The following DHX40 variants were observed in gnomAD, a reference collection of about 807,000 sequenced individuals.
DHX40 encodes the protein DEAH-box helicase 40.
A neutral mutation model predicts 89.6 loss-of-function variants in DHX40; 28 were observed. The ratio of observed to expected loss-of-function variants is 0.31; its 90% CI spans 0.23 to 0.43. The LOEUF is 0.43. DHX40 is among the 20% of genes least tolerant of loss of function. The probability of loss-of-function intolerance (pLI) is 1.00; values close to 1 mark genes in which losing one functional copy is unlikely to be tolerated. For synonymous variants in DHX40, 226 were observed against 283.6 expected (o/e 0.80, Z 2.04); for missense variants, 457 against 844.0 (o/e 0.54, Z 5.68).
chr17:59,601,404 T>A (rs2030518671), intron 14 of DHX40, among the ~76,000 whole-genome samples: 1 of 152,158 alleles, frequency 6.6e-6, no homozygotes, highest in Non-Finnish European at 1.5e-5. Flanking sequence ...TGTTTTCTGT[T>A]TGCCTTATCT....
intron 14 of DHX40, among the ~76,000 whole-genome samples, chr17:59,602,239 C>G (rs888285200): frequency 9.2e-5 from 14 of 152,126 alleles, no homozygotes; most frequent in African/African-American, 3.1e-4. Flanking sequence ...TTCCCTGTAC[C>G]TTGGTCTGCA....
In DHX40 at chr17:59,607,296, T is replaced by C; in HGVS notation, c.*124T>C. 6.3e-7 allele frequency: 1 copy of C among 1,576,520 alleles called. No individual in the cohort carries two copies. Among genetic ancestry groups the C allele is most frequent in the Non-Finnish European group, 8.7e-7 (1 of 1,154,710 alleles). ...CAGCACTTGTTATTGGCCTATGAAC[T>C]AAAAGCAAATCAAAGCTCATAAATC... On this transcript the variant is annotated 3_prime_UTR_variant, in exon 18 of 18. Coordinates refer to ENST00000251241, the MANE Select transcript of DHX40 (RefSeq NM_024612.5).
At chr17:59,570,131 T>C (rs900693639) in intron 2 of DHX40, among the ~76,000 whole-genome samples, 6 of 130,072 alleles carry the variant, frequency 4.6e-5, no homozygotes, top group Non-Finnish European at 6.2e-5. Flanking sequence ...TATATTTATA[T>C]ATAATATATT....
chr17:59,570,351 T>G (rs1473652702), intron 2 of DHX40, among the ~76,000 whole-genome samples, 167 bp from the exon 3 acceptor site: 2 of 145,390 alleles, frequency 1.4e-5, no homozygotes, highest in East Asian at 3.9e-4. Context: ...TATTTTAAAT[T>G]AATATTTAAA....
rs113907293 is a variant in DHX40, at chr17:59,597,906, G to T, written c.1583-831G>T. 6.3e-3 allele frequency among the ~76,000 whole-genome samples: 920 copies of T among 146,788 alleles called. 5 individuals are homozygous for T. Among genetic ancestry groups the T allele is most frequent in the African/African-American group, 0.022 (856 of 39,606 alleles). On this transcript the variant is annotated intron_variant, in intron 12 of 17. Transcript: ENST00000251241. Reference sequence around the variant, plus strand: ...GCCGAGATCGCGCCACTACACTCCAGTCTGGGCGATAGAGCGAGACTCCGT... The same window carrying T: ...GCCGAGATCGCGCCACTACACTCCATTCTGGGCGATAGAGCGAGACTCCGT...
chr17:59,574,782 A>G (rs2048857843), intron 6 of DHX40, among the ~76,000 whole-genome samples: 1 of 151,860 alleles, frequency 6.6e-6, no homozygotes, highest in African/African-American at 2.4e-5. Context: ...ACTGTGTGAT[A>G]ACAACACATA....
In DHX40 at chr17:59,575,489, T is replaced by C. The variant is rs751864707; in HGVS notation, c.973+18T>C. 1.9e-6 allele frequency: 3 copies of C among 1,608,412 alleles called. No individual in the cohort carries two copies. The highest frequency in any genetic ancestry group is 1.3e-5 in the African/African-American group (1 of 74,438). ...GACAACAGGTAATTTCTCATTAGAA[T>C]AGAAAATTTGATTTTTTAAAAAAAC... On this transcript the variant is annotated intron_variant, in intron 7 of 17. Coordinates refer to ENST00000251241, the MANE Select transcript of DHX40 (RefSeq NM_024612.5).
At chr17:59,569,342 A>G (rs2048754980) in intron 2 of DHX40, among the ~76,000 whole-genome samples, 1 of 133,044 alleles carries the variant, frequency 7.5e-6, no homozygotes, top group Non-Finnish European at 1.5e-5. Flanking sequence ...ATAAATAAAT[A>G]AATAAATAAA....
rs114692218 is a variant in DHX40 at position 59,571,895 on chromosome 17, C to T, written c.427-1221C>T. Among the ~76,000 whole-genome samples the T allele has an allele frequency of 6.5e-3, 995 of 152,222 alleles. 9 individuals are homozygous for T. The highest frequency in any genetic ancestry group is 0.023 in the African/African-American group (952 of 41,522). Reference sequence around the variant, plus strand: ...GTATCTTCTGTTCTACTTTCTGTCTCTACAAATTTGCCTACTCCGGGTACC... The same window carrying T: ...GTATCTTCTGTTCTACTTTCTGTCTTTACAAATTTGCCTACTCCGGGTACC... On this transcript the variant is annotated intron_variant, in intron 3 of 17. Transcript: ENST00000251241.
rs571181687 is a variant in DHX40 at position 59,578,988 on chromosome 17, G to GTGTA, written c.1074-483_1074-482insGTAT. 5.8e-5 allele frequency among the ~76,000 whole-genome samples: 8 copies of GTGTA among 136,962 alleles called. 1 individual carries two copies. The highest frequency in any genetic ancestry group is 1.0e-4 in the African/African-American group (4 of 38,996). 89.9% of individuals were successfully genotyped at this position (136,962 alleles called of 152,430 possible). A position where few individuals can be genotyped will look rare whatever the true frequency, so the allele number is the denominator to read the frequency against. On this transcript the variant is annotated intron_variant, in intron 8 of 17. Coordinates refer to ENST00000251241, the MANE Select transcript of DHX40 (RefSeq NM_024612.5). ...GAATAATATTGCATAGTGTGTGTGT[G>GTGTA]TATATATATATATATATATTCCATT...
rs970703985 is a variant in DHX40 at position 59,573,978 on chromosome 17, G to A, written c.774+11G>A. On this transcript the variant is annotated intron_variant, in intron 5 of 17. Coordinates refer to ENST00000251241, the MANE Select transcript of DHX40 (RefSeq NM_024612.5). ...GCGTATATTCAAGCGGTATTACTTGGCATTCATTTAATGTCTTTTTTAAAT... is the reference window on the plus strand; with the variant it reads ...GCGTATATTCAAGCGGTATTACTTGACATTCATTTAATGTCTTTTTTAAAT... The A allele has an allele frequency of 7.1e-5, 98 of 1,387,400 alleles. No individual in the cohort carries two copies. Among genetic ancestry groups the A allele is most frequent in the Non-Finnish European group, 9.5e-5 (97 of 1,019,932 alleles). 85.9% of individuals were successfully genotyped at this position (1,387,400 alleles called of 1,614,324 possible).
rs564769652 is a variant in DHX40, at chr17:59,581,835, G to A, written c.1343+1956G>A. 1.7e-5 allele frequency among the ~76,000 whole-genome samples: 2 copies of A among 121,108 alleles called. 1 individual carries two copies. The highest frequency in any genetic ancestry group is 6.2e-4 in the South Asian group (2 of 3,214). 79.5% of individuals were successfully genotyped at this position (121,108 alleles called of 152,430 possible). Reference sequence around the variant, plus strand: ...AATACTCATTGTATACTCTTGGAAAGCCAATTTGCCAATTTCAAAATGTTT... The same window carrying A: ...AATACTCATTGTATACTCTTGGAAAACCAATTTGCCAATTTCAAAATGTTT... On this transcript the variant is annotated intron_variant, in intron 10 of 17. Transcript: ENST00000251241.
intron 14 of DHX40, among the ~76,000 whole-genome samples, chr17:59,601,142 TAAAAA>T (rs754817890): frequency 6.0e-4 from 74 of 122,630 alleles, no homozygotes; most frequent in African/African-American, 2.1e-3. Context: ...TTGTCTCTAC[TAAAAA>T]AAAAAAAAAA....
intron 17 of DHX40, among the ~76,000 whole-genome samples, chr17:59,606,141 G>C (rs370778821): frequency 2.0e-5 from 3 of 151,930 alleles, no homozygotes; most frequent in African/African-American, 7.2e-5. Context: ...CTGCCTCCCG[G>C]TTCAAGCTAT....
intron 10 of DHX40, among the ~76,000 whole-genome samples, chr17:59,585,677 C>T (rs2048983895): frequency 6.7e-6 from 1 of 150,042 alleles, no homozygotes; most frequent in Admixed American, 6.6e-5. Flanking sequence ...GATCAGAGAT[C>T]GTGCCATTGC....
chr17:59,575,786 G>A (rs1317323799), intron 7 of DHX40: 5 of 301,742 alleles, frequency 1.7e-5, no homozygotes, highest in Admixed American at 4.4e-5. Flanking sequence ...GAGGACAGTA[G>A]TTTCTTGCTG....
At chr17:59,601,323 A>G (rs77195449) in intron 14 of DHX40, among the ~76,000 whole-genome samples, 77 of 152,142 alleles carry the variant, frequency 5.1e-4, no homozygotes, top group African/African-American at 1.8e-3. Flanking sequence ...CAAAAACAAA[A>G]AAACCTACCC....
At chr17:59,569,329 AAAATAAATAAATAAATAAAT>A (rs5821271) in intron 2 of DHX40, among the ~76,000 whole-genome samples, 10 of 146,900 alleles carry the variant, frequency 6.8e-5, no homozygotes, top group East Asian at 4.1e-4. Context: ...CTCTATCTCA[AAAATAAATAAATAAATAAAT>A]AAATAAATAA....
At chr17:59,576,104 A>G (rs1490222806) in intron 7 of DHX40, among the ~76,000 whole-genome samples, 1 of 136,136 alleles carries the variant, frequency 7.3e-6, no homozygotes, top group Non-Finnish European at 1.6e-5. Flanking sequence ...GGATTTTGCC[A>G]TGTTGGCCAG....
Sources: allele counts gnomAD v4.1 joint callset (sites outside exome capture counted in the v4.1 genomes callset), GRCh38; gene constraint gnomAD v4.1.1; transcripts MANE v1.5; gene names NCBI Gene and HGNC (gene_info 2026-07-23, HGNC 2026-07-21).